PTK2B: variants seen among roughly 807,000 people sequenced by gnomAD.
PTK2B encodes the protein protein tyrosine kinase 2 beta.
A neutral mutation model predicts 142.9 loss-of-function variants in PTK2B; 71 were observed. The observed-to-expected ratio is 0.50, with a 90% CI of 0.41 to 0.61. PTK2B has a LOEUF of 0.61. Ranked by LOEUF, PTK2B falls within the 20% of genes least tolerant of loss-of-function variation. The pLI, the probability that PTK2B is intolerant of heterozygous loss-of-function variation, is 0.00. For synonymous variants in PTK2B, 519 were observed against 503.4 expected, an observed-to-expected ratio of 1.03 and a Z score of -0.42; for missense variants, 1,105 against 1,320.4, an observed-to-expected ratio of 0.84 and a Z score of 2.53.
intron 5 of PTK2B, among the ~76,000 whole-genome samples, chr8:27,429,135 G>A (rs914205671): frequency 7.9e-5 from 12 of 152,162 alleles, no homozygotes; most frequent in African/African-American, 2.9e-4. Flanking sequence ...TCAATCTCTT[G>A]ACGTTGTGAT....
intron 15 of PTK2B, 123 bp downstream of exon 15, chr8:27,436,471 G>A: frequency 1.3e-6 from 1 of 783,778 alleles, no homozygotes; most frequent in Non-Finnish European, 2.2e-6. Context: ...TGTCCCTAAG[G>A]GCCTCTTGTC....
chr8:27,381,891 T>G (rs1007090988), intron 1 of PTK2B, among the ~76,000 whole-genome samples: 1 of 152,270 alleles, frequency 6.6e-6, no homozygotes, highest in Non-Finnish European at 1.5e-5. Context: ...TTTTGATTCA[T>G]ATTTCCCTTA....
At chr8:27,457,089 A>G (rs1224848853) in intron 30 of PTK2B, among the ~76,000 whole-genome samples, 2 of 152,226 alleles carry the variant, frequency 1.3e-5, no homozygotes, top group Admixed American at 1.3e-4. Flanking sequence ...AGATGGCTCC[A>G]CTAAACCACA....
exon 1 of PTK2B, chr8:27,311,623 A>G (rs1053018103): frequency 3.1e-5 from 7 of 227,172 alleles, no homozygotes; most frequent in Non-Finnish European, 6.0e-5. Flanking sequence ...ACCTTAACCA[A>G]TCCCCGGGAA....
chr8:27,337,308 G>A (rs1411817778), intron 1 of PTK2B, among the ~76,000 whole-genome samples: 2 of 152,106 alleles, frequency 1.3e-5, no homozygotes, highest in African/African-American at 4.8e-5. Context: ...GCTAGTTTTT[G>A]TATTTTTTAG....
At chr8:27,349,299 T>C (rs1339481369) in intron 1 of PTK2B, among the ~76,000 whole-genome samples, 3 of 152,212 alleles carry the variant, frequency 2.0e-5, no homozygotes, top group African/African-American at 7.2e-5. Context: ...TTAACCTCTT[T>C]AAGTCTTAAT....
intron 1 of PTK2B, among the ~76,000 whole-genome samples, chr8:27,375,839 C>T (rs1806637684): frequency 6.6e-6 from 1 of 152,180 alleles, no homozygotes; most frequent in Non-Finnish European, 1.5e-5. Context: ...TCAGAAGAGC[C>T]GTGGGCTGCA....
At chr8:27,315,494 C>T (rs566022040) in intron 3 of PTK2B, among the ~76,000 whole-genome samples, 11 of 152,178 alleles carry the variant, frequency 7.2e-5, no homozygotes, top group East Asian at 3.9e-4. Flanking sequence ...CTCCCCCCAA[C>T]GCAGAGACTC....
chr8:27,357,692 G>GATAAAGATATAGATATAGATATATCT (rs1198598165), intron 1 of PTK2B, among the ~76,000 whole-genome samples: 1 of 152,230 alleles, frequency 6.6e-6, no homozygotes, highest in Non-Finnish European at 1.5e-5. Context: ...ATCTGAGTGA[G>GATAAAGATATAGATATAGATATATCT]ATAAAGATAT....
At chr8:27,370,802 G>A (rs111524258) in intron 1 of PTK2B, among the ~76,000 whole-genome samples, 1 of 152,310 alleles carries the variant, frequency 6.6e-6, no homozygotes, top group African/African-American at 2.4e-5. Context: ...GCAACTCTAT[G>A]ATGAAAAGAG....
At position 27,458,534 on chromosome 8, in the gene PTK2B, C is replaced by T. The variant is rs1364831225; in HGVS notation, c.*25C>T. The T allele has an allele frequency of 2.3e-5, 36 of 1,546,844 alleles. No homozygotes were observed. The highest frequency in any genetic ancestry group is 9.7e-5 in the East Asian group (4 of 41,064). ...ACGGAGGGTGGGGGCCACCTGCCTG[C>T]GTCTTCCGCCCCTGCCTGCCATGTA... On this transcript the variant is annotated 3_prime_UTR_variant, in exon 31 of 31. Coordinates refer to ENST00000346049, the MANE Select transcript of PTK2B (RefSeq NM_173176.3).
rs2130808145 is a variant in PTK2B at position 27,363,740 on chromosome 8, C to G, written c.-37-33808C>G. ...AGGCTGCATGATGACTATTGATTGG[C>G]TGAAGCCCCAGAAATACCTGCCATG... On this transcript the variant is annotated intron_variant, in intron 1 of 30. Transcript: ENST00000346049. The surrounding 1 kb of genome is among the most constrained non-coding windows in gnomAD (Gnocchi z 4.3). Among the ~76,000 whole-genome samples the G allele has an allele frequency of 6.6e-6, 1 of 152,294 alleles. No homozygotes were observed. Among genetic ancestry groups the G allele is most frequent in the African/African-American group, 2.4e-5 (1 of 41,560 alleles).
chr8:27,410,651 T>C (rs71519635), intron 2 of PTK2B, among the ~76,000 whole-genome samples: 8,217 of 152,306 alleles, frequency 0.054, 298 homozygotes, highest in Non-Finnish European at 0.09. Context: ...TAGAGATCAC[T>C]GAAGAAAGTT....
chr8:27,362,406 A>G lies in PTK2B; in HGVS notation c.-37-35142A>G, dbSNP rs181804355. ...CCCACACTGTGGCTCTTCTAGCCCA[A>G]TGGAGAAGGGCTAAGGGTTTCTAAA... On this transcript the variant is annotated intron_variant, in intron 1 of 30. Coordinates refer to ENST00000346049, the MANE Select transcript of PTK2B (RefSeq NM_173176.3). 1.1e-4 allele frequency among the ~76,000 whole-genome samples: 16 copies of G among 152,284 alleles called. No homozygotes were observed. In the East Asian group the frequency reaches 1.2e-3, roughly 11 times the overall value.
At chr8:27,345,617 C>T (rs961869613) in intron 1 of PTK2B, among the ~76,000 whole-genome samples, 3 of 152,204 alleles carry the variant, frequency 2.0e-5, no homozygotes, top group Non-Finnish European at 4.4e-5. Flanking sequence ...AAGTACTTGC[C>T]TTCCCCAGCC....
intron 1 of PTK2B, among the ~76,000 whole-genome samples, chr8:27,329,821 C>T (rs1339852503): frequency 2.0e-5 from 3 of 152,064 alleles, no homozygotes; most frequent in Non-Finnish European, 2.9e-5. Context: ...AGGTTTGGTA[C>T]CCCCTGAGTG....
At chr8:27,431,572 T>G in intron 9 of PTK2B, 100 bp downstream of exon 9, 1 of 1,480,510 alleles carries the variant, frequency 6.8e-7, no homozygotes, top group Non-Finnish European at 9.2e-7. Flanking sequence ...TTCTTGCCCC[T>G]GTTGCTGAAA....
At chr8:27,398,518 C>T (rs1177000357) in intron 2 of PTK2B, among the ~76,000 whole-genome samples, 1 of 152,194 alleles carries the variant, frequency 6.6e-6, no homozygotes, top group East Asian at 1.9e-4. Flanking sequence ...CTGGGCCAAT[C>T]CCTCTACACA....
In PTK2B at chr8:27,392,009, C is replaced by T. The variant is rs80058284; in HGVS notation, c.-37-5539C>T. On this transcript the variant is annotated intron_variant, in intron 1 of 30. Coordinates refer to ENST00000346049, the MANE Select transcript of PTK2B (RefSeq NM_173176.3). ...ACCAGGAAGCAGGGAGGACAGAATG[C>T]CAGGGCTTGGAGAGCCAGGAAGGTC... Among the ~76,000 whole-genome samples the T allele has an allele frequency of 1.9e-3, 286 of 152,260 alleles. 2 individuals are homozygous for T. The highest frequency in any genetic ancestry group is 6.8e-3 in the Middle Eastern group (2 of 294).
Sources: gnomAD v4.1 joint callset for allele counts (sites outside exome capture counted in the v4.1 genomes callset) on GRCh38, gnomAD v4.1.1 for gene constraint, Gnocchi (gnomAD v3.1) non-coding constraint, MANE v1.5 for transcripts, NCBI Gene and HGNC (gene_info 2026-07-23, HGNC 2026-07-21) for gene names.